Variants in APPL1 observed in about 807,000 individuals in gnomAD.
APPL1 encodes the protein DCC-interacting protein 13-alpha.
A neutral mutation model predicts 106.8 loss-of-function variants in APPL1; 42 were observed. The observed-to-expected ratio is 0.39, with a 90% CI of 0.31 to 0.51. The LOEUF is 0.51. Among genes scored for constraint, APPL1 ranks in the 20% least tolerant of loss-of-function variants. The probability of loss-of-function intolerance (pLI) is 0.75; values close to 1 mark genes in which losing one functional copy is unlikely to be tolerated. For missense variants in APPL1, 769 were observed against 858.2 expected, an observed-to-expected ratio of 0.90 and a Z score of 1.30; for synonymous variants, 263 against 281.8, an observed-to-expected ratio of 0.93 and a Z score of 0.67.
At chr3:57,249,615 C>T (rs2060792858) in intron 11 of APPL1, 67 bp downstream of exon 11, 4 of 1,357,312 alleles carry the variant, frequency 2.9e-6, no homozygotes, top group South Asian at 3.5e-5. Context: ...GAGATAATTC[C>T]TTTTTGTTTA....
At chr3:57,258,140 A>G (rs1481359650) in intron 15 of APPL1, among the ~76,000 whole-genome samples, 1 of 152,156 alleles carries the variant, frequency 6.6e-6, no homozygotes, top group Non-Finnish European at 1.5e-5. Flanking sequence ...AGAACCACTT[A>G]GCTCTCTGCT....
Position 57,249,441 on chromosome 3 carries a change from G to A in APPL1, c.945G>A (p.Gly315=). 3.1e-6 allele frequency: 5 copies of A among 1,614,158 alleles called. No individual in the cohort carries two copies. The highest frequency in any genetic ancestry group is 1.1e-5 in the South Asian group (1 of 91,068). The change falls in exon 11 of 22, where the codon GGG becomes GGA. Residue 315 remains glycine, a synonymous_variant. Transcript: ENST00000288266. ...QGGNLMSQAR[G]DVAGGLAMDI... is the part of the protein sequence containing the mutation. ...GAAATTTAATGAGTCAGGCCCGTGG[G>A]GATGTAGCAGGAGGCCTGGCCATGG...
At chr3:57,253,174 A>G (rs2060814524) in intron 12 of APPL1, among the ~76,000 whole-genome samples, 1 of 152,202 alleles carries the variant, frequency 6.6e-6, no homozygotes, top group Non-Finnish European at 1.5e-5. Flanking sequence ...CTAATTATTT[A>G]TAAACTTGAC....
chr3:57,241,899 G>C (rs184494837), intron 5 of APPL1, among the ~76,000 whole-genome samples: 199 of 152,274 alleles, frequency 1.3e-3, no homozygotes, highest in Non-Finnish European at 1.8e-3. Context: ...GTAGCAAGTA[G>C]ATTTTCTGGT....
At chr3:57,266,630 TG>T (rs1276923974) in intron 19 of APPL1, among the ~76,000 whole-genome samples, 2 of 152,236 alleles carry the variant, frequency 1.3e-5, no homozygotes, top group African/African-American at 4.8e-5. Context: ...ACCAACTTTT[TG>T]TTATGTTGAT....
rs138693457 is a variant in APPL1 at position 57,268,402 on chromosome 3, G to A, written c.1898G>A (p.Arg633His). Residue 633 changes from arginine (R) to histidine (H), a missense_variant, in exon 21 of 22, where the codon CGT (arginine) becomes CAT (histidine). Physicochemically the swap from Arg to His is conservative, Grantham distance 29 (BLOSUM62 0). Transcript: ENST00000288266. ...KQIALHAELD[R>H]RASEKQKEIE... ...TTTTATTCATCTGTTCTTTAGGATC[G>A]TAGGGCATCAGAAAAACAAAAAGAA... 61 of 1,570,960 alleles carry A rather than the reference G, an allele frequency of 3.9e-5. No individual in the cohort carries two copies. The highest frequency in any genetic ancestry group is 6.8e-5 in the East Asian group (3 of 44,346).
At position 57,267,786 on chromosome 3, in the gene APPL1, T is replaced by C; in HGVS notation, c.1887T>C (p.Ala629=). The C allele has an allele frequency of 6.2e-7, 1 of 1,613,682 alleles. No homozygotes were observed. Among genetic ancestry groups the C allele is most frequent in the South Asian group, 1.1e-5 (1 of 91,078 alleles). The change falls in exon 20 of 22, where the codon GCT becomes GCC. Residue 629 remains alanine, a synonymous_variant. Coordinates refer to ENST00000288266, the MANE Select transcript of APPL1 (RefSeq NM_012096.3). ...VGLAKQIALH[A]ELDRRASEKQ... is the part of the protein sequence containing the mutation. ...TGGCAAAACAGATAGCTTTGCATGCTGAACTGGTAAGAATCCAAGATGTGG... is the reference window on the plus strand; with the variant it reads ...TGGCAAAACAGATAGCTTTGCATGCCGAACTGGTAAGAATCCAAGATGTGG...
chr3:57,254,686 G>A (rs555353749), intron 13 of APPL1, among the ~76,000 whole-genome samples: 19 of 152,274 alleles, frequency 1.2e-4, no homozygotes, highest in Admixed American at 6.5e-4. Flanking sequence ...GTGCAGTGGT[G>A]CTATCTCAGC....
intron 1 of APPL1, 29 bp from the exon 2 acceptor site, chr3:57,235,537 C>A: frequency 1.4e-6 from 2 of 1,413,818 alleles, no homozygotes; most frequent in Admixed American, 1.8e-5. Flanking sequence ...TAATGATTAA[C>A]ATAAACTTAT....
chr3:57,233,403 G>A (rs965104421), intron 1 of APPL1, among the ~76,000 whole-genome samples: 3 of 151,524 alleles, frequency 2.0e-5, no homozygotes, highest in Admixed American at 1.3e-4. Flanking sequence ...CTTGCTTTGC[G>A]CTAAGAAGAG....
chr3:57,233,486 G>GA lies in APPL1; in HGVS notation c.55-2068dup, dbSNP rs1419794871. Among the ~76,000 whole-genome samples the GA allele has an allele frequency of 4.8e-3, 600 of 125,538 alleles. 3 individuals are homozygous for GA. Among genetic ancestry groups the GA allele is most frequent in the African/African-American group, 9.7e-3 (333 of 34,448 alleles). The allele number at this position is 125,538 out of a possible 152,430, so 82.4% of individuals were successfully genotyped here. A position where few individuals can be genotyped will look rare whatever the true frequency, so the allele number is the denominator to read the frequency against. ...CTTGAATTGGAATTACCCATTTTTAGAAAAAAAAAAAACAAAACAGAAACG... is the reference window on the plus strand; with the variant it reads ...CTTGAATTGGAATTACCCATTTTTAGAAAAAAAAAAAAACAAAACAGAAACG... On this transcript the variant is annotated intron_variant, in intron 1 of 21. Coordinates refer to ENST00000288266, the MANE Select transcript of APPL1 (RefSeq NM_012096.3).
chr3:57,230,780 T>G (rs1445573487), intron 1 of APPL1: 3 of 414,302 alleles, frequency 7.2e-6, no homozygotes. Flanking sequence ...AAGTTTTTTG[T>G]TTTTTTTTTG....
At chr3:57,256,445 CA>C (rs1280551726) in intron 13 of APPL1, among the ~76,000 whole-genome samples, 6 of 152,072 alleles carry the variant, frequency 3.9e-5, no homozygotes, top group Non-Finnish European at 8.8e-5. Context: ...AATTAATAAA[CA>C]GATACTTCTG....
chr3:57,232,526 CCTT>C (rs932121086), intron 1 of APPL1, among the ~76,000 whole-genome samples: 6 of 152,146 alleles, frequency 3.9e-5, no homozygotes, highest in Non-Finnish European at 7.4e-5. Flanking sequence ...TGTCCGAAAA[CCTT>C]CTTTTGACAC....
At chr3:57,263,703 T>C (rs1156654507) in intron 19 of APPL1, among the ~76,000 whole-genome samples, 1 of 152,204 alleles carries the variant, frequency 6.6e-6, no homozygotes, top group Non-Finnish European at 1.5e-5. Context: ...TCATTCTTTT[T>C]TTCTGGCTGA....
At chr3:57,251,075 G>A (rs2060802108) in intron 11 of APPL1, among the ~76,000 whole-genome samples, 1 of 149,942 alleles carries the variant, frequency 6.7e-6, no homozygotes, top group Admixed American at 6.6e-5. Flanking sequence ...CCAAAGTGCT[G>A]GGATTACAGG....
At chr3:57,238,492 C>T (rs1229534100) in intron 4 of APPL1, among the ~76,000 whole-genome samples, 1 of 152,086 alleles carries the variant, frequency 6.6e-6, no homozygotes, top group Non-Finnish European at 1.5e-5. Context: ...CCTAAACAGC[C>T]AGAATCAACC....
intron 8 of APPL1, among the ~76,000 whole-genome samples, chr3:57,246,990 CAAA>C (rs56949619): frequency 4.1e-5 from 4 of 97,834 alleles, no homozygotes; most frequent in Admixed American, 1.9e-4. Context: ...GACCCTGTCT[CAAA>C]AAAAAAAAAA....
At chr3:57,250,949 A>T (rs2060800921) in intron 11 of APPL1, among the ~76,000 whole-genome samples, 1 of 149,094 alleles carries the variant, frequency 6.7e-6, no homozygotes, top group Admixed American at 6.7e-5. Context: ...CTGGGACTAC[A>T]GGCGCCTGCT....
Sources: allele counts gnomAD v4.1 joint callset (sites outside exome capture counted in the v4.1 genomes callset), GRCh38; gene constraint gnomAD v4.1.1; transcripts MANE v1.5; gene names NCBI Gene and HGNC (gene_info 2026-07-23, HGNC 2026-07-21).